Variants in DLG2 observed in about 807,000 individuals in gnomAD.
DLG2 encodes the protein discs large MAGUK scaffold protein 2.
DLG2 carries 45 observed loss-of-function variants against 132.5 expected under a neutral mutation model. That is an observed-to-expected ratio of 0.34 (90% CI 0.27 to 0.44). The LOEUF (loss-of-function observed/expected upper bound fraction) is 0.44, where lower values mean the gene tolerates loss of function less well. DLG2 is among the 20% of genes least tolerant of loss of function. DLG2 has a pLI of 1.00. For synonymous variants in DLG2, 424 were observed against 419.6 expected, an observed-to-expected ratio of 1.01 and a Z score of -0.13; for missense variants, 1,045 against 1,196.9, an observed-to-expected ratio of 0.87 and a Z score of 1.87.
chr11:84,432,214 T>G (rs537619584), intron 7 of DLG2, among the ~76,000 whole-genome samples: 1 of 152,316 alleles, frequency 6.6e-6, no homozygotes, highest in African/African-American at 2.4e-5. Context: ...AGCCAGGCTG[T>G]GATTAGCTGG....
intron 16 of DLG2, among the ~76,000 whole-genome samples, chr11:83,855,460 G>A (rs550175944): frequency 6.6e-6 from 1 of 152,170 alleles, no homozygotes; most frequent in South Asian, 2.1e-4. Flanking sequence ...ATACACTGTG[G>A]TACATCTAGA....
intron 18 of DLG2, chr11:83,724,805 C>G (rs990429359): frequency 4.3e-6 from 3 of 701,726 alleles, no homozygotes; most frequent in South Asian, 1.5e-5. Context: ...ACACCTCCCC[C>G]ACATGGTCTG....
At chr11:85,284,119 G>T (rs935939937) in intron 4 of DLG2, among the ~76,000 whole-genome samples, 1 of 151,750 alleles carries the variant, frequency 6.6e-6, no homozygotes, top group African/African-American at 2.4e-5. Context: ...ATATGCTATT[G>T]TCCCAACTTC....
At chr11:84,271,028 T>C (rs140994084) in intron 7 of DLG2, among the ~76,000 whole-genome samples, 2 of 152,128 alleles carry the variant, frequency 1.3e-5, no homozygotes, top group Admixed American at 6.6e-5. Flanking sequence ...ATACATATCA[T>C]TGGGTTAAAA....
intron 8 of DLG2, among the ~76,000 whole-genome samples, chr11:84,243,017 C>CTCTCTCTATATATATA (rs542476924): frequency 7.0e-6 from 1 of 142,144 alleles, no homozygotes; most frequent in Non-Finnish European, 1.5e-5. Context: ...CTCTCTCTCT[C>CTCTCTCTATATATATA]TATATATATA....
chr11:83,876,780 T>A (rs999427713), intron 15 of DLG2, among the ~76,000 whole-genome samples: 5 of 152,300 alleles, frequency 3.3e-5, no homozygotes, highest in South Asian at 4.1e-4. Flanking sequence ...CGTGTCCATA[T>A]GTATTTCACA....
intron 4 of DLG2, among the ~76,000 whole-genome samples, chr11:85,248,426 A>AT (rs912074872): frequency 2.6e-5 from 4 of 151,824 alleles, no homozygotes; most frequent in Non-Finnish European, 2.9e-5. Context: ...TTAATTAAAG[A>AT]TTTTTTTTAC....
chr11:84,672,159 G>C (rs1282290987), intron 6 of DLG2, among the ~76,000 whole-genome samples: 1 of 152,108 alleles, frequency 6.6e-6, no homozygotes, highest in Non-Finnish European at 1.5e-5. Context: ...ATAACTAATA[G>C]TGTAAAAAAT....
At chr11:83,522,146 G>A (rs2095496822) in intron 21 of DLG2, among the ~76,000 whole-genome samples, 1 of 152,138 alleles carries the variant, frequency 6.6e-6, no homozygotes, top group East Asian at 1.9e-4. Flanking sequence ...TTTTCTAAGT[G>A]TTAAAGTGCA....
intron 6 of DLG2, among the ~76,000 whole-genome samples, chr11:84,737,965 G>A (rs187452952): frequency 1.3e-4 from 20 of 152,080 alleles, no homozygotes; most frequent in East Asian, 1.9e-4. Flanking sequence ...GCATTATTCC[G>A]TTTGGGGATT....
At chr11:84,345,344 C>A (rs148296904) in intron 7 of DLG2, among the ~76,000 whole-genome samples, 1 of 152,138 alleles carries the variant, frequency 6.6e-6, no homozygotes, top group Admixed American at 6.6e-5. Context: ...GTCCTGTACA[C>A]GAGTAAATAC....
chr11:84,391,777 G>A (rs660071), intron 7 of DLG2, among the ~76,000 whole-genome samples: 2,711 of 151,170 alleles, frequency 0.018, 164 homozygotes, highest in Admixed American at 0.12. Flanking sequence ...AATTTAGCTT[G>A]GGATTTTCTG....
Position 85,571,942 on chromosome 11 carries a change from T to C in DLG2, c.40+26715A>G, listed in dbSNP as rs137942831. 2.0e-5 allele frequency among the ~76,000 whole-genome samples: 3 copies of C among 152,296 alleles called. 1 individual carries two copies. In the East Asian group the frequency reaches 5.8e-4, roughly 29 times the overall value. ...TTATCTGTTTTAATAGATATACCCG[T>C]AGCAGAAATGCAGGTTTTATTTCCA... On this transcript the variant is annotated intron_variant, in intron 3 of 27. Transcript: ENST00000376104.
chr11:85,337,545 C>T (rs570338539), intron 3 of DLG2, among the ~76,000 whole-genome samples: 9 of 152,306 alleles, frequency 5.9e-5, no homozygotes, highest in Admixed American at 1.3e-4. Context: ...CAAGACTGTA[C>T]ATTTTTAGCA....
intron 7 of DLG2, among the ~76,000 whole-genome samples, chr11:84,497,110 C>A (rs943044079): frequency 2.0e-5 from 3 of 152,086 alleles, no homozygotes; most frequent in African/African-American, 7.2e-5. Flanking sequence ...TTAACTCTGT[C>A]ATGTAGATTA....
chr11:84,399,616 T>C (rs1160198690), intron 7 of DLG2, among the ~76,000 whole-genome samples: 1 of 152,010 alleles, frequency 6.6e-6, no homozygotes, highest in Non-Finnish European at 1.5e-5. Context: ...GGGGTTTCAC[T>C]GGGTTGGCCA....
intron 7 of DLG2, among the ~76,000 whole-genome samples, chr11:84,522,267 C>G (rs181808363): frequency 6.6e-6 from 1 of 152,132 alleles, no homozygotes; most frequent in East Asian, 1.9e-4. Flanking sequence ...AGCACCAGTC[C>G]TGAAACCAGA....
At chr11:84,198,798 A>T (rs577993891) in intron 8 of DLG2, among the ~76,000 whole-genome samples, 1 of 152,318 alleles carries the variant, frequency 6.6e-6, no homozygotes, top group East Asian at 1.9e-4. Flanking sequence ...TAGATAGTTG[A>T]CTTTGCACTC....
rs34410192 is a variant in DLG2 at position 85,191,162 on chromosome 11, G to GCGCACA, written c.187-36512_187-36511insTGTGCG. Reference sequence around the variant, plus strand: ...TATGCATGCGCGCGCGCGCACGCGCGCACACACACACACACACACACACAC... The same window carrying GCGCACA: ...TATGCATGCGCGCGCGCGCACGCGCGCGCACACACACACACACACACACACACACAC... On this transcript the variant is annotated intron_variant, in intron 4 of 27. Coordinates refer to ENST00000376104, the MANE Select transcript of DLG2 (RefSeq NM_001142699.3). Among the ~76,000 whole-genome samples, 626 of 139,904 alleles carry GCGCACA rather than the reference G, an allele frequency of 4.5e-3. 8 individuals are homozygous for GCGCACA. The highest frequency in any genetic ancestry group is 0.011 in the African/African-American group (414 of 36,098). 91.8% of individuals were successfully genotyped at this position (139,904 alleles called of 152,430 possible).
Sources: gnomAD v4.1 joint callset for allele counts (sites outside exome capture counted in the v4.1 genomes callset) on GRCh38, gnomAD v4.1.1 for gene constraint, MANE v1.5 for transcripts, NCBI Gene and HGNC (gene_info 2026-07-23, HGNC 2026-07-21) for gene names.